The following RBFOX1 variants were observed in gnomAD, a reference collection of about 807,000 sequenced individuals.
The protein encoded by RBFOX1 is RNA binding fox-1 homolog 1, also known as RNA binding protein fox-1 homolog 1.
RBFOX1 carries 8 observed loss-of-function variants against 57.7 expected under a neutral mutation model. The ratio of observed to expected loss-of-function variants is 0.14; its 90% CI spans 0.08 to 0.25. The LOEUF is 0.25. Ranked by LOEUF, RBFOX1 falls within the 10% of genes least tolerant of loss-of-function variation. The pLI is 1.00. For missense variants in RBFOX1, 611 were observed against 548.5 expected (o/e 1.11, Z -1.14); for synonymous variants, 326 against 222.4 (o/e 1.47, Z -4.15).
intron 2 of RBFOX1, among the ~76,000 whole-genome samples, chr16:5,500,270 C>T (rs888862295): frequency 7.3e-5 from 11 of 150,852 alleles, no homozygotes; most frequent in African/African-American, 2.7e-4. Context: ...TTGCCCAGGC[C>T]GGAATGCAGT....
In RBFOX1 at chr16:6,123,637, A is replaced by G. The variant is rs375644811; in HGVS notation, c.-127+103645A>G. ...ATGCCACTGAACTATTCACTTAAAA[A>G]TAGTTAAAAGTAATTTCAGCACTTT... On this transcript the variant is annotated intron_variant, in intron 1 of 15. Transcript: ENST00000550418. Among the ~76,000 whole-genome samples the G allele has an allele frequency of 1.6e-4, 25 of 152,344 alleles. No individual in the cohort carries two copies. In the South Asian group the frequency reaches 5.2e-3, roughly 32 times the overall value.
chr16:7,058,054 T>C (rs973656820), intron 4 of RBFOX1, among the ~76,000 whole-genome samples: 1 of 150,422 alleles, frequency 6.6e-6, no homozygotes, highest in Non-Finnish European at 1.5e-5. Flanking sequence ...ATCTCTGCTA[T>C]GCTTTCAAAA....
At chr16:5,432,388 G>A (rs777590564) in intron 1 of RBFOX1, among the ~76,000 whole-genome samples, 5 of 152,114 alleles carry the variant, frequency 3.3e-5, no homozygotes, top group African/African-American at 1.2e-4. Flanking sequence ...CCGTGCCTCC[G>A]CCGGCCCCTG....
intron 3 of RBFOX1, among the ~76,000 whole-genome samples, chr16:6,958,923 C>A (rs754545963): frequency 1.3e-5 from 2 of 151,980 alleles, no homozygotes; most frequent in South Asian, 2.1e-4. Context: ...GGCGTATTCT[C>A]CATCCTGACA....
At chr16:7,150,528 A>C (rs1221030167) in intron 4 of RBFOX1, among the ~76,000 whole-genome samples, 3 of 152,214 alleles carry the variant, frequency 2.0e-5, no homozygotes, top group Non-Finnish European at 4.4e-5. Context: ...TGAAGAAAGT[A>C]AGGGATGGCT....
chr16:7,135,274 C>T (rs1353813634), intron 4 of RBFOX1, among the ~76,000 whole-genome samples: 2 of 152,152 alleles, frequency 1.3e-5, no homozygotes. Flanking sequence ...AACTAAGTAA[C>T]TCTGCAGTGG....
intron 3 of RBFOX1, among the ~76,000 whole-genome samples, chr16:6,785,769 G>A (rs1026574576): frequency 3.3e-5 from 5 of 152,118 alleles, no homozygotes; most frequent in Admixed American, 3.3e-4. Context: ...TTTTCCAGAT[G>A]AGGATACCAA....
intron 2 of RBFOX1, among the ~76,000 whole-genome samples, chr16:6,587,962 G>A (rs1241589005): frequency 1.3e-5 from 2 of 152,186 alleles, no homozygotes; most frequent in African/African-American, 4.8e-5. Context: ...TGGCACAGTG[G>A]CTCACGCCTG....
At chr16:7,350,618 C>G (rs1194824992) in intron 4 of RBFOX1, among the ~76,000 whole-genome samples, 4 of 152,188 alleles carry the variant, frequency 2.6e-5, no homozygotes, top group Non-Finnish European at 5.9e-5. Flanking sequence ...GACAGGACAG[C>G]TAGTATGCAT....
intron 1 of RBFOX1, among the ~76,000 whole-genome samples, chr16:5,329,226 A>C (rs141316414): frequency 6.6e-6 from 1 of 152,342 alleles, no homozygotes; most frequent in African/African-American, 2.4e-5. Flanking sequence ...TGGGTAATTT[A>C]TTAAGAAAAG....
At chr16:5,784,731 C>G (rs757698543) in intron 3 of RBFOX1, among the ~76,000 whole-genome samples, 5 of 152,102 alleles carry the variant, frequency 3.3e-5, no homozygotes, top group Non-Finnish European at 7.4e-5. Context: ...AGCATGGTGT[C>G]CTTATGAATT....
intron 1 of RBFOX1, among the ~76,000 whole-genome samples, chr16:6,075,174 A>G (rs1217836648): frequency 2.6e-5 from 4 of 152,206 alleles, no homozygotes; most frequent in African/African-American, 9.7e-5. Flanking sequence ...AACGTCAGAC[A>G]CGAAGCATGG....
At chr16:6,235,835 A>G (rs541515479) in intron 1 of RBFOX1, among the ~76,000 whole-genome samples, 23 of 152,200 alleles carry the variant, frequency 1.5e-4, no homozygotes, top group African/African-American at 3.9e-4. Context: ...GAATGATACA[A>G]TGGACTCTGG....
chr16:5,687,055 T>G (rs1200998539), intron 3 of RBFOX1, among the ~76,000 whole-genome samples: 1 of 152,218 alleles, frequency 6.6e-6, no homozygotes, highest in Non-Finnish European at 1.5e-5. Context: ...TCACTCATAT[T>G]GGCTAAGAAT....
At chr16:7,406,031 AAAG>A (rs1200904201) in intron 4 of RBFOX1, among the ~76,000 whole-genome samples, 4 of 152,198 alleles carry the variant, frequency 2.6e-5, no homozygotes, top group Non-Finnish European at 5.9e-5. Context: ...CCCCCACAAC[AAAG>A]AATTACCTGG....
upstream of RBFOX1, among the ~76,000 whole-genome samples, chr16:6,018,881 C>G (rs990060544): frequency 6.6e-6 from 1 of 151,968 alleles, no homozygotes. Flanking sequence ...AACTTTCACC[C>G]TCTGTCCCCT....
intron 3 of RBFOX1, among the ~76,000 whole-genome samples, chr16:5,846,839 G>C (rs2056769553): frequency 6.6e-6 from 1 of 152,216 alleles, no homozygotes; most frequent in Non-Finnish European, 1.5e-5. Flanking sequence ...CTGGGGACTT[G>C]GGATTACCTT....
intron 1 of RBFOX1, among the ~76,000 whole-genome samples, chr16:5,248,495 AG>A (rs2062360497): frequency 6.6e-6 from 1 of 152,184 alleles, no homozygotes; most frequent in African/African-American, 2.4e-5. Flanking sequence ...GGTCACCCAC[AG>A]CCTAGCACAG....
intron 4 of RBFOX1, among the ~76,000 whole-genome samples, chr16:7,238,170 A>T (rs915422621): frequency 3.3e-5 from 5 of 152,190 alleles, no homozygotes; most frequent in African/African-American, 9.6e-5. Flanking sequence ...CATGGTCGTT[A>T]CCAAGGGCTG....
Sources: allele counts gnomAD v4.1 joint callset (sites outside exome capture counted in the v4.1 genomes callset), GRCh38; gene constraint gnomAD v4.1.1; transcripts MANE v1.5; gene names NCBI Gene and HGNC (gene_info 2026-07-23, HGNC 2026-07-21).